COMMD1: variants seen among roughly 807,000 people sequenced by gnomAD.
COMMD1 encodes the protein COMM domain-containing protein 1.
A neutral mutation model predicts 17.2 loss-of-function variants in COMMD1; 10 were observed. The observed-to-expected ratio is 0.58, with a 90% CI of 0.36 to 0.99. The LOEUF (loss-of-function observed/expected upper bound fraction) is 0.99. Among genes scored for constraint, COMMD1 ranks in the 50% least tolerant of loss-of-function variants. COMMD1 has a pLI of 0.01. For missense variants in COMMD1, 270 were observed against 231.8 expected, an observed-to-expected ratio of 1.17 and a Z score of -1.07; for synonymous variants, 97 against 91.6, an observed-to-expected ratio of 1.06 and a Z score of -0.34.
At chr2:62,116,941 G>C (rs946830305) in intron 2 of COMMD1, among the ~76,000 whole-genome samples, 5 of 150,112 alleles carry the variant, frequency 3.3e-5, no homozygotes, top group Non-Finnish European at 4.4e-5. Context: ...GTTGTGGTGA[G>C]CCGAGATCGC....
intron 2 of COMMD1, among the ~76,000 whole-genome samples, chr2:62,005,952 C>T (rs1669100523): frequency 6.6e-6 from 1 of 151,848 alleles, no homozygotes; most frequent in South Asian, 2.1e-4. Flanking sequence ...ACCCAAATGT[C>T]CAACAATGAT....
chr2:61,954,737 A>T (rs929841757), intron 1 of COMMD1, among the ~76,000 whole-genome samples: 1 of 151,980 alleles, frequency 6.6e-6, no homozygotes. Context: ...GCTAGAGTGC[A>T]ATGGCACGAT....
At chr2:62,003,629 CA>C (rs1169887914) in intron 2 of COMMD1, among the ~76,000 whole-genome samples, 30 of 151,678 alleles carry the variant, frequency 2.0e-4, no homozygotes, top group African/African-American at 7.3e-4. Context: ...CACACACACA[CA>C]CACACACACA....
chr2:61,924,602 C>T (rs923371737), intron 1 of COMMD1, among the ~76,000 whole-genome samples: 7 of 152,046 alleles, frequency 4.6e-5, no homozygotes, highest in South Asian at 2.1e-4. Context: ...ACCAGACTGA[C>T]AGAGGGAAGG....
intron 2 of COMMD1, among the ~76,000 whole-genome samples, chr2:62,132,255 T>C (rs575483781): frequency 2.0e-5 from 3 of 152,304 alleles, no homozygotes; most frequent in South Asian, 2.1e-4. Context: ...TGAGCTTCAT[T>C]CATACATAGA....
chr2:61,890,977 T>A (rs1181222461), intron 1 of COMMD1, among the ~76,000 whole-genome samples: 3 of 152,148 alleles, frequency 2.0e-5, no homozygotes, highest in African/African-American at 7.2e-5. Flanking sequence ...ATGTAATATG[T>A]TGGAAACAAG....
At chr2:62,073,069 C>T (rs2103963982) in intron 2 of COMMD1, among the ~76,000 whole-genome samples, 1 of 152,318 alleles carries the variant, frequency 6.6e-6, no homozygotes, top group African/African-American at 2.4e-5. Context: ...GTGTCACTGC[C>T]CTGTGTGGAC....
chr2:61,997,300 A>G (rs1668793732), intron 1 of COMMD1, among the ~76,000 whole-genome samples: 1 of 151,890 alleles, frequency 6.6e-6, no homozygotes, highest in Non-Finnish European at 1.5e-5. Flanking sequence ...AGGCTCAAGC[A>G]ATCTGCCCAC....
intron 1 of COMMD1, among the ~76,000 whole-genome samples, chr2:61,913,413 C>T (rs1669962740): frequency 6.8e-6 from 1 of 147,778 alleles, no homozygotes; most frequent in African/African-American, 2.5e-5. Flanking sequence ...CATGGTGGCT[C>T]ATGCCTGTAA....
chr2:62,032,045 A>T lies in COMMD1; in HGVS notation c.462+31063A>T, dbSNP rs559462635. Among the ~76,000 whole-genome samples, 4 of 152,190 alleles carry T rather than the reference A, an allele frequency of 2.6e-5. No individual in the cohort carries two copies. In the South Asian group the frequency reaches 8.3e-4, roughly 31 times the overall value. ...ATAACACAATCTAACACTTCATACA[A>T]TTTATTATTTCCCTAGTTAAATTTT... On this transcript the variant is annotated intron_variant, in intron 2 of 2. Coordinates refer to ENST00000311832, the MANE Select transcript of COMMD1 (RefSeq NM_152516.4).
chr2:61,956,741 G>GT (rs1268929105), intron 1 of COMMD1, among the ~76,000 whole-genome samples: 4 of 150,086 alleles, frequency 2.7e-5, no homozygotes, highest in East Asian at 2.0e-4. Context: ...AAAGCGCATA[G>GT]TTTTTTTTGT....
intron 2 of COMMD1, among the ~76,000 whole-genome samples, chr2:62,086,596 TTAATGA>T (rs1418481468): frequency 7.9e-5 from 12 of 152,280 alleles, no homozygotes; most frequent in African/African-American, 2.4e-4. Context: ...TAATAAATAC[TTAATGA>T]TAATGGCCCC....
intron 1 of COMMD1, among the ~76,000 whole-genome samples, chr2:61,899,842 T>A (rs1558514552): frequency 6.6e-6 from 1 of 152,140 alleles, no homozygotes. Flanking sequence ...CAGCTAATTT[T>A]TGTATTTTTA....
intron 2 of COMMD1, among the ~76,000 whole-genome samples, chr2:62,094,713 G>A (rs1156522492): frequency 6.6e-6 from 1 of 152,034 alleles, no homozygotes; most frequent in East Asian, 1.9e-4. Context: ...TCAAACTTGA[G>A]AGAATAAAGT....
chr2:62,095,233 T>G (rs1671967787), intron 2 of COMMD1, among the ~76,000 whole-genome samples: 1 of 152,158 alleles, frequency 6.6e-6, no homozygotes, highest in African/African-American at 2.4e-5. Context: ...GAGGGAAGAT[T>G]AACTGTGAAA....
At chr2:61,932,059 A>T (rs992421321) in intron 1 of COMMD1, among the ~76,000 whole-genome samples, 1 of 152,122 alleles carries the variant, frequency 6.6e-6, no homozygotes, top group Admixed American at 6.6e-5. Context: ...CAGTGGCGTG[A>T]TCTCAGCTCA....
At chr2:62,018,222 A>G (rs1391978792) in intron 2 of COMMD1, among the ~76,000 whole-genome samples, 1 of 152,146 alleles carries the variant, frequency 6.6e-6, no homozygotes, top group Non-Finnish European at 1.5e-5. Context: ...GTCACTGTTC[A>G]TTGGAATTAG....
intron 2 of COMMD1, among the ~76,000 whole-genome samples, chr2:62,011,126 G>GT (rs1233332245): frequency 3.3e-5 from 5 of 151,652 alleles, no homozygotes; most frequent in African/African-American, 9.7e-5. Flanking sequence ...AAAGTCTTTT[G>GT]TTTTTTTTAA....
chr2:62,007,667 C>T (rs993841315), intron 2 of COMMD1, among the ~76,000 whole-genome samples: 3 of 152,082 alleles, frequency 2.0e-5, no homozygotes, highest in African/African-American at 4.8e-5. Context: ...AGGTTTATAG[C>T]CTAGAAGCAA....
Sources: gnomAD v4.1 joint callset for allele counts (sites outside exome capture counted in the v4.1 genomes callset) on GRCh38, gnomAD v4.1.1 for gene constraint, MANE v1.5 for transcripts, NCBI Gene and HGNC (gene_info 2026-07-23, HGNC 2026-07-21) for gene names.